Variants in METTL23 observed in about 807,000 individuals in gnomAD.
The protein encoded by METTL23 is methyltransferase 23, arginine.
METTL23 carries 24 observed loss-of-function variants against 21.2 expected under a neutral mutation model. The observed-to-expected ratio is 1.13, with a 90% CI of 0.82 to 1.59. The LOEUF is 1.59. METTL23 is among the 40% of genes most tolerant of loss of function. The pLI is 0.00. For missense variants in METTL23, 276 were observed against 221.4 expected, an observed-to-expected ratio of 1.25 and a Z score of -1.57; for synonymous variants, 97 against 75.2, an observed-to-expected ratio of 1.29 and a Z score of -1.50.
At position 76,733,058 on chromosome 17, in the gene METTL23, G is replaced by A. The variant is rs1464429169; in HGVS notation, c.165G>A (p.Leu55=). The A allele has an allele frequency of 6.2e-7, 1 of 1,606,360 alleles. No homozygotes were observed. Among genetic ancestry groups the A allele is most frequent in the Admixed American group, 1.7e-5 (1 of 58,654 alleles). ...TAATACTGTCAGACAGCTCAGAACT[G>A]CCTCACTGTCTGGAAGTCTGTCGGC... The part of the protein sequence containing the change: ...AEVILSDSSE[L]PHCLEVCRQS... The change falls in exon 3 of 5, where the codon CTG becomes CTA. Residue 55 remains leucine (L), a synonymous_variant. Coordinates refer to ENST00000341249, the MANE Select transcript of METTL23 (RefSeq NM_001080510.5).
In METTL23 at chr17:76,727,062, G is replaced by C. The variant is rs980420032; in HGVS notation, c.-138G>C. ...CCCCGCCCGCCCGGGGCCCAACGAC[G>C]CCCTACTGGGCGAGCACGATTTCCG... On this transcript the variant is annotated 5_prime_UTR_variant, in exon 1 of 5. Coordinates refer to ENST00000341249, the MANE Select transcript of METTL23 (RefSeq NM_001080510.5). 1.3e-5 allele frequency: 6 copies of C among 454,844 alleles called. No individual in the cohort carries two copies. Among genetic ancestry groups the C allele is most frequent in the Non-Finnish European group, 2.2e-5 (5 of 226,246 alleles). 28.2% of individuals were successfully genotyped at this position (454,844 alleles called of 1,614,324 possible). A position where few individuals can be genotyped will look rare whatever the true frequency, so the allele number is the denominator to read the frequency against.
At chr17:76,731,158 C>T (rs1436274316) in intron 2 of METTL23, among the ~76,000 whole-genome samples, 1 of 151,076 alleles carries the variant, frequency 6.6e-6, no homozygotes, top group Admixed American at 6.6e-5. Flanking sequence ...GCCTGTAGTC[C>T]CAGCTACTCA....
In METTL23 at chr17:76,726,935, TCACCAGATCTGGGCTTTCCCCTTCTTGC is replaced by T; in HGVS notation, c.-263_-236del. The T allele has an allele frequency of 2.2e-6, 1 of 456,876 alleles. No individual in the cohort carries two copies. The highest frequency in any genetic ancestry group is 4.4e-6 in the Non-Finnish European group (1 of 227,042). 28.3% of individuals were successfully genotyped at this position (456,876 alleles called of 1,614,324 possible). A position where few individuals can be genotyped will look rare whatever the true frequency, so the allele number is the denominator to read the frequency against. On this transcript the variant is annotated 5_prime_UTR_variant, in exon 1 of 5. Coordinates refer to ENST00000341249, the MANE Select transcript of METTL23 (RefSeq NM_001080510.5). ...CTTCGCTCGCAGCGCGGCAGGGTTA[TCACCAGATCTGGGCTTTCCCCTTCTTGC>T]CGTCAGGTGCTACGGCCACGTGGCC...
rs1395166763 is a variant in METTL23, at chr17:76,733,339, T to C, written c.369T>C (p.Asn123=). 1.2e-6 allele frequency: 2 copies of C among 1,613,852 alleles called. No homozygotes were observed. Among genetic ancestry groups the C allele is most frequent in the African/African-American group, 1.3e-5 (1 of 74,914 alleles). ...LATIYFLMHK[N]PKVQLWSTYQ... ...CAATATATTTTTTGATGCACAAGAA[T>C]CCCAAGGTCCAATTGTGGTCTACTT... The change falls in exon 4 of 5, where the codon AAT becomes AAC. Residue 123 remains asparagine, a synonymous_variant. Transcript: ENST00000341249.
rs2143881111 is a variant in METTL23 at position 76,733,569 on chromosome 17, T to C, written c.456T>C (p.Cys152=). 6.2e-7 allele frequency: 1 copy of C among 1,613,958 alleles called. No individual in the cohort carries two copies. Among genetic ancestry groups the C allele is most frequent in the Non-Finnish European group, 8.5e-7 (1 of 1,179,870 alleles). ...EALLYKWDMK[C]VHIPLESFDA... ...TACTCTACAAATGGGATATGAAATG[T>C]GTCCACATTCCTCTTGAGTCTTTTG... The change falls in exon 5 of 5, where the codon TGT becomes TGC. Residue 152 remains cysteine (C), a synonymous_variant. Coordinates refer to ENST00000341249, the MANE Select transcript of METTL23 (RefSeq NM_001080510.5).
chr17:76,727,101 C>T lies in METTL23; in HGVS notation c.-99C>T, dbSNP rs922907930. 2 of 453,870 alleles carry T rather than the reference C, an allele frequency of 4.4e-6. No individual in the cohort carries two copies. Among genetic ancestry groups the T allele is most frequent in the Non-Finnish European group, 8.9e-6 (2 of 225,970 alleles). 28.1% of individuals were successfully genotyped at this position (453,870 alleles called of 1,614,324 possible). A position where few individuals can be genotyped will look rare whatever the true frequency, so the allele number is the denominator to read the frequency against. ...GCACGATTTCCGAGGACAGGGGGTC[C>T]GGGCCCAGCGCTTTCGATTCTCGGA... On this transcript the variant is annotated 5_prime_UTR_variant, in exon 1 of 5. Transcript: ENST00000341249.
At chr17:76,731,638 C>T (rs1436688736) in intron 2 of METTL23, among the ~76,000 whole-genome samples, 1 of 152,170 alleles carries the variant, frequency 6.6e-6, no homozygotes, top group African/African-American at 2.4e-5. Context: ...CACTACCTGG[C>T]CTCAGACTGG....
At position 76,729,743 on chromosome 17, in the gene METTL23, C is replaced by T; in HGVS notation, c.33C>T (p.Ala11=). The change falls in exon 2 of 5, where the codon GCC becomes GCT. Residue 11 remains alanine (A), a synonymous_variant. Transcript: ENST00000341249. ...TTTGGCCCTGTGCTGTGGTCCTGGCCCAGTACCTTTGGTTTCACAGAAGAT... is the reference window on the plus strand; with the variant it reads ...TTTGGCCCTGTGCTGTGGTCCTGGCTCAGTACCTTTGGTTTCACAGAAGAT... MYVWPCAVVL[A]QYLWFHRRSL... 1 of 1,600,190 alleles carries T rather than the reference C, an allele frequency of 6.2e-7. No individual in the cohort carries two copies. The highest frequency in any genetic ancestry group is 1.1e-5 in the South Asian group (1 of 88,646).
rs527832762 is a variant in METTL23 at position 76,733,621 on chromosome 17, T to A, written c.508T>A (p.Ser170Thr). The A allele has an allele frequency of 1.2e-6, 2 of 1,613,916 alleles. No individual in the cohort carries two copies. Among genetic ancestry groups the A allele is most frequent in the Non-Finnish European group, 1.7e-6 (2 of 1,179,864 alleles). Residue 170 changes from serine (S) to threonine (T), a missense_variant, in exon 5 of 5, where the codon TCT (serine) becomes ACT (threonine). Ser to Thr is a moderately conservative substitution (Grantham distance 58, BLOSUM62 1). Transcript: ENST00000341249. Reference protein sequence around the residue: ...FDADKEDIAESTLPGRHTVEM... With the variant: ...FDADKEDIAETTLPGRHTVEM... Reference sequence around the variant, plus strand: ...TGCAGACAAAGAAGATATAGCAGAATCTACCCTTCCAGGAAGACATACAGT... The same window carrying A: ...TGCAGACAAAGAAGATATAGCAGAAACTACCCTTCCAGGAAGACATACAGT...
Position 76,733,028 on chromosome 17 carries a change from A to C in METTL23, c.135A>C (p.Ala45=). 6.3e-7 allele frequency: 1 copy of C among 1,597,914 alleles called. No individual in the cohort carries two copies. The highest frequency in any genetic ancestry group is 8.5e-7 in the Non-Finnish European group (1 of 1,171,350). The change falls in exon 3 of 5, where the codon GCA becomes GCC. Residue 45 remains alanine (A), a synonymous_variant. Coordinates refer to ENST00000341249, the MANE Select transcript of METTL23 (RefSeq NM_001080510.5). ...LPGILAAKCG[A]EVILSDSSEL... ...GAATTTTGGCTGCCAAATGTGGTGC[A>C]GAAGTAATACTGTCAGACAGCTCAG... is the stretch of plus-strand genomic sequence containing the variant.
At chr17:76,727,399 CTAT>C (rs1479182961) in intron 1 of METTL23, 2 of 302,628 alleles carry the variant, frequency 6.6e-6, no homozygotes, top group East Asian at 1.9e-4. Context: ...ACCCTGGTCA[CTAT>C]GTTGGTCAGG....
intron 1 of METTL23, 102 bp from the exon 2 acceptor site, chr17:76,729,588 C>A: frequency 1.3e-6 from 1 of 765,498 alleles, no homozygotes. Context: ...ACAGGGCTGC[C>A]ATTTTTGTAA....
rs1406012748 is a variant in METTL23, at chr17:76,727,025, C to T, written c.-175C>T. 4.4e-6 allele frequency: 2 copies of T among 455,330 alleles called. No individual in the cohort carries two copies. Among genetic ancestry groups the T allele is most frequent in the Admixed American group, 2.4e-5 (1 of 42,498 alleles). 28.2% of individuals were successfully genotyped at this position (455,330 alleles called of 1,614,324 possible). A position where few individuals can be genotyped will look rare whatever the true frequency, so the allele number is the denominator to read the frequency against. On this transcript the variant is annotated 5_prime_UTR_variant, in exon 1 of 5. Transcript: ENST00000341249. ...GCTCGCGCAGTCTGGCAGCCCGGAG[C>T]CTTCCGCGGTCCCCCGCCCGCCCGG...
At chr17:76,731,529 T>A (rs755213107) in intron 2 of METTL23, among the ~76,000 whole-genome samples, 2 of 151,898 alleles carry the variant, frequency 1.3e-5, no homozygotes, top group African/African-American at 2.4e-5. Flanking sequence ...TTTGAACATA[T>A]GAATTTTGGG....
intron 1 of METTL23, 63 bp from the exon 2 acceptor site, chr17:76,729,627 G>T (rs992994790): frequency 3.1e-5 from 35 of 1,141,700 alleles, no homozygotes; most frequent in Non-Finnish European, 4.2e-5. Context: ...AGAAATTGCT[G>T]TATGAATGAT....
intron 2 of METTL23, among the ~76,000 whole-genome samples, 169 bp downstream of exon 2, chr17:76,729,963 TAC>T (rs1449195861): frequency 6.6e-6 from 1 of 152,234 alleles, no homozygotes; most frequent in Non-Finnish European, 1.5e-5. Flanking sequence ...TGTCTTAAGG[TAC>T]AGAGATTATC....
At chr17:76,728,033 AG>A (rs1225131246) in intron 1 of METTL23, among the ~76,000 whole-genome samples, 4 of 152,214 alleles carry the variant, frequency 2.6e-5, no homozygotes, top group African/African-American at 7.2e-5. Flanking sequence ...TGGGACCAGG[AG>A]TTCCAGACCA....
upstream of METTL23, chr17:76,726,207 C>T: frequency 2.5e-6 from 3 of 1,203,604 alleles, no homozygotes; most frequent in Admixed American, 3.4e-5. Flanking sequence ...GCCTCGGGGA[C>T]CCCAAACTCC....
In METTL23 at chr17:76,733,715, T is replaced by G; in HGVS notation, c.*29T>G. 1 of 1,587,418 alleles carries G rather than the reference T, an allele frequency of 6.3e-7. No individual in the cohort carries two copies. The highest frequency in any genetic ancestry group is 8.6e-7 in the Non-Finnish European group (1 of 1,166,820). On this transcript the variant is annotated 3_prime_UTR_variant, in exon 5 of 5. Coordinates refer to ENST00000341249, the MANE Select transcript of METTL23 (RefSeq NM_001080510.5). ...ATACCTACAACCTGTTCTGGGACAG[T>G]ATCAATACTGATGAGCAACCTGGCA...
Sources: allele counts gnomAD v4.1 joint callset (sites outside exome capture counted in the v4.1 genomes callset), GRCh38; gene constraint gnomAD v4.1.1; transcripts MANE v1.5; gene names NCBI Gene and HGNC (gene_info 2026-07-23, HGNC 2026-07-21).